The following GALNT17 variants were observed in gnomAD, a reference collection of about 807,000 sequenced individuals.
The protein encoded by GALNT17 is polypeptide N-acetylgalactosaminyltransferase 17, also known as UDP-GalNAc:polypeptide N-acetylgalactosaminyltransferase-like 3.
In GALNT17, 29 loss-of-function variants were observed where a neutral mutation model predicts 63.7. The ratio of observed to expected loss-of-function variants is 0.46; its 90% CI spans 0.34 to 0.62. The LOEUF is 0.62. GALNT17 is among the 20% of genes least tolerant of loss of function. The pLI is 0.01. For synonymous variants in GALNT17, 305 were observed against 318.3 expected (o/e 0.96, Z 0.45); for missense variants, 603 against 799.6 (o/e 0.75, Z 2.97).
chr7:71,259,631 G>T (rs6942827), intron 1 of GALNT17, among the ~76,000 whole-genome samples: 7,295 of 129,484 alleles, frequency 0.056, 677 homozygotes, highest in African/African-American at 0.2. Flanking sequence ...GTCCTGTTTT[G>T]TTTTTTGTTT....
chr7:71,577,473 G>A lies in GALNT17; in HGVS notation c.1080+6071G>A, dbSNP rs534858477. 1.9e-4 allele frequency among the ~76,000 whole-genome samples: 29 copies of A among 152,232 alleles called. No individual in the cohort carries two copies. In the South Asian group the frequency reaches 6.0e-3, roughly 32 times the overall value. ...ATTTTGACACCAGTAAGCCATCATG[G>A]AGGAAAGGATATAAGAGGGTTTGAG... is the stretch of plus-strand genomic sequence containing the variant. On this transcript the variant is annotated intron_variant, in intron 6 of 10. Transcript: ENST00000333538.
intron 1 of GALNT17, among the ~76,000 whole-genome samples, chr7:71,200,175 T>C (rs1432141638): frequency 1.3e-5 from 2 of 152,198 alleles, no homozygotes; most frequent in African/African-American, 4.8e-5. Context: ...TTCCTCTGAA[T>C]AAGTATGGTA....
At chr7:71,533,291 CTA>C (rs1357828116) in intron 5 of GALNT17, among the ~76,000 whole-genome samples, 1 of 152,324 alleles carries the variant, frequency 6.6e-6, no homozygotes, top group East Asian at 1.9e-4. Context: ...TCAGAGAAGA[CTA>C]TGAGACGATG....
chr7:71,444,920 C>T (rs530422887), intron 5 of GALNT17, among the ~76,000 whole-genome samples: 1 of 152,306 alleles, frequency 6.6e-6, no homozygotes, highest in South Asian at 2.1e-4. Context: ...AGAACGCAGG[C>T]TTTGATCAGT....
chr7:71,520,640 A>C (rs1403918979), intron 5 of GALNT17, among the ~76,000 whole-genome samples: 2 of 152,174 alleles, frequency 1.3e-5, no homozygotes, highest in African/African-American at 4.8e-5. Context: ...ACATACTTCC[A>C]TGGATGATGG....
At chr7:71,139,933 G>T (rs1389133616) in intron 1 of GALNT17, among the ~76,000 whole-genome samples, 1 of 152,218 alleles carries the variant, frequency 6.6e-6, no homozygotes, top group African/African-American at 2.4e-5. Context: ...GGCAGAGGCT[G>T]CAGTGAGCAG....
intron 5 of GALNT17, among the ~76,000 whole-genome samples, chr7:71,495,959 C>T (rs1788087088): frequency 6.6e-6 from 1 of 152,136 alleles, no homozygotes; most frequent in African/African-American, 2.4e-5. Context: ...TCCAGCCTGC[C>T]AAGGTTCGTG....
chr7:71,525,019 T>C (rs1398296681), intron 5 of GALNT17, among the ~76,000 whole-genome samples: 1 of 152,184 alleles, frequency 6.6e-6, no homozygotes, highest in Non-Finnish European at 1.5e-5. Context: ...CTTTTATTGG[T>C]TTTTATCTTC....
At chr7:71,311,304 C>G (rs2115943745) in intron 1 of GALNT17, among the ~76,000 whole-genome samples, 1 of 152,240 alleles carries the variant, frequency 6.6e-6, no homozygotes, top group South Asian at 2.1e-4. Context: ...ATAGCATGCT[C>G]TAGGTTTGGC....
chr7:71,655,005 G>A (rs1360661868), intron 6 of GALNT17, among the ~76,000 whole-genome samples: 1 of 152,110 alleles, frequency 6.6e-6, no homozygotes, highest in Non-Finnish European at 1.5e-5. Context: ...GGCCAGGCTG[G>A]TCTCAAACTT....
chr7:71,552,013 TA>T (rs1267888626), intron 5 of GALNT17, among the ~76,000 whole-genome samples: 6 of 2,146 alleles, frequency 2.8e-3, no homozygotes, highest in Admixed American at 6.5e-3. Context: ...TTGCTCTTTT[TA>T]TTTATTTATT....
intron 1 of GALNT17, among the ~76,000 whole-genome samples, chr7:71,207,514 A>C (rs989516657): frequency 6.6e-6 from 1 of 152,174 alleles, no homozygotes; most frequent in African/African-American, 2.4e-5. Flanking sequence ...GTACCAGCTA[A>C]AATGACTTAA....
At chr7:71,472,913 C>A (rs1293618834) in intron 5 of GALNT17, among the ~76,000 whole-genome samples, 3 of 152,046 alleles carry the variant, frequency 2.0e-5, no homozygotes, top group African/African-American at 7.2e-5. Context: ...TATGAGTGAC[C>A]ATAACCTGGG....
intron 2 of GALNT17, among the ~76,000 whole-genome samples, chr7:71,364,220 T>G (rs1792459773): frequency 6.6e-6 from 1 of 152,162 alleles, no homozygotes; most frequent in Non-Finnish European, 1.5e-5. Context: ...TAAACTTAAT[T>G]TAACAGTAGT....
chr7:71,677,157 T>G, intron 8 of GALNT17, 54 bp from the exon 9 acceptor site: 1 of 1,582,276 alleles, frequency 6.3e-7, no homozygotes, highest in Non-Finnish European at 8.7e-7. Context: ...TGACTCGGCA[T>G]CCACACCTCC....
At chr7:71,335,062 A>G (rs1211830196) in intron 1 of GALNT17, among the ~76,000 whole-genome samples, 3 of 152,094 alleles carry the variant, frequency 2.0e-5, no homozygotes, top group East Asian at 1.9e-4. Context: ...CCCAGTTTAG[A>G]TGGTCTCTCC....
At chr7:71,527,769 G>A (rs1315741787) in intron 5 of GALNT17, among the ~76,000 whole-genome samples, 5 of 152,178 alleles carry the variant, frequency 3.3e-5, no homozygotes, top group East Asian at 3.9e-4. Flanking sequence ...ATGCGCACGC[G>A]TGCATGCATG....
At chr7:71,241,723 A>G (rs1445888545) in intron 1 of GALNT17, among the ~76,000 whole-genome samples, 1 of 151,998 alleles carries the variant, frequency 6.6e-6, no homozygotes, top group Non-Finnish European at 1.5e-5. Context: ...CCTTGTCTGT[A>G]CAAAAAATTT....
At chr7:71,632,530 A>G (rs968934262) in intron 6 of GALNT17, among the ~76,000 whole-genome samples, 14 of 152,224 alleles carry the variant, frequency 9.2e-5, no homozygotes, top group African/African-American at 3.4e-4. Context: ...GCTCAAAAGC[A>G]CAAGCACTTT....
Sources: gnomAD v4.1 joint callset for allele counts (sites outside exome capture counted in the v4.1 genomes callset) on GRCh38, gnomAD v4.1.1 for gene constraint, MANE v1.5 for transcripts, NCBI Gene and HGNC (gene_info 2026-07-23, HGNC 2026-07-21) for gene names.